The following CENPE variants were observed in gnomAD, a reference collection of about 807,000 sequenced individuals.
CENPE encodes the protein centromere protein E, also known as centromere-associated protein E.
Under a neutral mutation model 336.1 loss-of-function variants are expected in CENPE, and 145 were observed. The observed-to-expected ratio is 0.43, with a 90% confidence interval of 0.38 to 0.50. The LOEUF (loss-of-function observed/expected upper bound fraction) is 0.50, where lower values mean the gene tolerates loss of function less well. CENPE is among the 20% of genes least tolerant of loss of function. CENPE has a pLI of 0.00. For missense variants in CENPE, 2,719 were observed against 3,023.3 expected (o/e 0.90, Z 2.36); for synonymous variants, 1,013 against 984.8 (o/e 1.03, Z -0.54).
At chr4:103,151,984 C>T (rs1005233804) in intron 25 of CENPE, among the ~76,000 whole-genome samples, 4 of 152,132 alleles carry the variant, frequency 2.6e-5, no homozygotes, top group Admixed American at 6.6e-5. Context: ...TACAAATGGT[C>T]GCATTCTACT....
intron 8 of CENPE, among the ~76,000 whole-genome samples, chr4:103,192,665 AG>A (rs914711104): frequency 2.0e-5 from 3 of 152,238 alleles, no homozygotes; most frequent in African/African-American, 7.2e-5. Context: ...TTTCCAGCTT[AG>A]GCAGCTAGGA....
intron 7 of CENPE, 39 bp from the exon 8 acceptor site, chr4:103,194,333 T>C: frequency 6.2e-7 from 1 of 1,609,416 alleles, no homozygotes; most frequent in Non-Finnish European, 8.5e-7. Context: ...ATTAGTGCAT[T>C]CTTACTTGGA....
intron 36 of CENPE, 59 bp downstream of exon 36, chr4:103,140,755 C>T (rs1430398800): frequency 7.1e-7 from 1 of 1,417,310 alleles, no homozygotes; most frequent in Non-Finnish European, 9.6e-7. Context: ...GCAGTGAACA[C>T]TGTATTTTTG....
At chr4:103,182,173 C>T (rs1394681958) in intron 11 of CENPE, among the ~76,000 whole-genome samples, 1 of 151,940 alleles carries the variant, frequency 6.6e-6, no homozygotes, top group Non-Finnish European at 1.5e-5. Flanking sequence ...CTCACCGCAA[C>T]CTCTGCCTCC....
intron 42 of CENPE, among the ~76,000 whole-genome samples, chr4:103,131,495 T>C (rs1751583936): frequency 6.6e-6 from 1 of 152,196 alleles, no homozygotes; most frequent in Admixed American, 6.5e-5. Context: ...ATTTTATTCA[T>C]TGCTGGTGGG....
chr4:103,128,185 C>T (rs968952455), intron 42 of CENPE, among the ~76,000 whole-genome samples: 7 of 152,098 alleles, frequency 4.6e-5, no homozygotes, highest in South Asian at 2.1e-4. Context: ...AGGGACATTA[C>T]GTAGTGATAA....
intron 28 of CENPE, among the ~76,000 whole-genome samples, chr4:103,148,217 C>G (rs1157100777): frequency 6.6e-6 from 1 of 152,162 alleles, no homozygotes; most frequent in Non-Finnish European, 1.5e-5. Context: ...TGCTAGCAGT[C>G]TGTTTCATAC....
chr4:103,179,599 A>G (rs72665089), intron 13 of CENPE, among the ~76,000 whole-genome samples: 23,275 of 152,192 alleles, frequency 0.15, 2,274 homozygotes, highest in Non-Finnish European at 0.2. Flanking sequence ...TGCTGTGTGG[A>G]AAGTGCTGTG....
rs753097044 is a variant in CENPE at position 103,183,282 on chromosome 4, C to T, written c.752G>A (p.Arg251Gln). The change falls in exon 10 of 49, where the codon CGG becomes CAG. Residue 251 changes from arginine (R) to glutamine (Q), a missense_variant. Around this residue, in one of 5 missense-constraint regions of CENPE, gnomAD observed 117 missense variants for 215.8 expected, o/e 0.54. Coordinates refer to ENST00000265148, the MANE Select transcript of CENPE (RefSeq NM_001813.3). ...ATTTATATTACAGCCTTCCTTGAGC[C>T]GCACACCTGAATTTATTAAACAAAT... ...RAAQTGAAGV[R>Q]LKEGCNINRS... is the part of the protein sequence containing the mutation. 3.1e-6 allele frequency: 5 copies of T among 1,610,246 alleles called. No individual in the cohort carries two copies. The highest frequency in any genetic ancestry group is 1.1e-5 in the South Asian group (1 of 90,252).
intron 42 of CENPE, among the ~76,000 whole-genome samples, chr4:103,129,815 G>A (rs1008815884): frequency 2.6e-5 from 4 of 152,148 alleles, no homozygotes; most frequent in African/African-American, 9.7e-5. Context: ...CCAATCACGT[G>A]TAAAAATGAT....
intron 8 of CENPE, among the ~76,000 whole-genome samples, chr4:103,191,968 C>T (rs929147536): frequency 5.3e-5 from 8 of 151,886 alleles, no homozygotes; most frequent in African/African-American, 7.2e-5. Flanking sequence ...GCAGGAATCT[C>T]GGTGAGAGAT....
intron 9 of CENPE, among the ~76,000 whole-genome samples, 170 bp from the exon 10 acceptor site, chr4:103,183,458 T>C (rs1245901268): frequency 6.6e-6 from 1 of 152,034 alleles, no homozygotes; most frequent in African/African-American, 2.4e-5. Context: ...TCTCTCCCTA[T>C]TGGTCCCACT....
In CENPE at chr4:103,114,489, A is replaced by G; in HGVS notation, c.7506T>C (p.Asn2502=). Residue 2502 remains asparagine (N), a synonymous_variant, in exon 46 of 49, where the codon AAT becomes AAC. Transcript: ENST00000265148. ...QKEVIRLLRE[N]LRRSQQAQDT... is the part of the protein sequence containing the mutation. ...CTTGGGCCTGTTGACTTCTTCTGAGATTTTCTCTCAATAGCCTTATAACTT... is the reference window on the plus strand; with the variant it reads ...CTTGGGCCTGTTGACTTCTTCTGAGGTTTTCTCTCAATAGCCTTATAACTT... 1.2e-6 allele frequency: 2 copies of G among 1,611,882 alleles called. No homozygotes were observed. The highest frequency in any genetic ancestry group is 1.7e-6 in the Non-Finnish European group (2 of 1,178,964).
intron 44 of CENPE, among the ~76,000 whole-genome samples, chr4:103,117,551 C>T (rs1750239008): frequency 6.6e-6 from 1 of 150,640 alleles, no homozygotes; most frequent in Non-Finnish European, 1.5e-5. Context: ...TGAAATCATA[C>T]AGTATGTAGC....
intron 16 of CENPE, among the ~76,000 whole-genome samples, chr4:103,164,130 C>T (rs1296315248): frequency 6.6e-6 from 1 of 152,012 alleles, no homozygotes; most frequent in Non-Finnish European, 1.5e-5. Context: ...TCAACTATGA[C>T]CTTGATTTAT....
At chr4:103,178,090 A>G (rs1756031486) in intron 13 of CENPE, among the ~76,000 whole-genome samples, 1 of 138,426 alleles carries the variant, frequency 7.2e-6, no homozygotes, top group Non-Finnish European at 1.5e-5. Context: ...CTATCATCTT[A>G]GATTCCATAG....
rs116883211 is a variant in CENPE at position 103,168,558 on chromosome 4, C to G, written c.1648-5005G>C. ...ACCAACATTGGTTCCATAGCACATTCTGAATTAACTCTGAAGCTTGGTTTC... is the reference window on the plus strand; with the variant it reads ...ACCAACATTGGTTCCATAGCACATTGTGAATTAACTCTGAAGCTTGGTTTC... On this transcript the variant is annotated intron_variant, in intron 16 of 48. Coordinates refer to ENST00000265148, the MANE Select transcript of CENPE (RefSeq NM_001813.3). Among the ~76,000 whole-genome samples the G allele has an allele frequency of 7.2e-4, 110 of 152,324 alleles. 2 individuals carry two copies. The East Asian group carries it at 0.017, about 24-fold the overall frequency.
Position 103,108,889 on chromosome 4 carries a change from G to T in CENPE, c.7925C>A (p.Ser2642Tyr). The change falls in exon 48 of 49, where the codon TCT becomes TAT. Residue 2642 changes from serine (S) to tyrosine (Y), a missense_variant. By Grantham distance (144) the Ser-to-Tyr change is moderately radical. Around this residue, in one of 5 missense-constraint regions of CENPE, gnomAD observed 2,437 missense variants for 2,513.3 expected, o/e 0.97. Coordinates refer to ENST00000265148, the MANE Select transcript of CENPE (RefSeq NM_001813.3). Reference protein sequence around the residue: ...QDPVPKESPKSCFFDSRSKSL... With the variant: ...QDPVPKESPKYCFFDSRSKSL... ...CTTTGATCGGCTATCAAAAAAACAA[G>T]ATTTTGGTGATTCCTTTGGCACAGG... 1.2e-6 allele frequency: 2 copies of T among 1,613,886 alleles called. No homozygotes were observed. Among genetic ancestry groups the T allele is most frequent in the South Asian group, 1.1e-5 (1 of 91,074 alleles).
intron 40 of CENPE, among the ~76,000 whole-genome samples, chr4:103,134,310 G>A (rs907229204): frequency 1.3e-5 from 2 of 152,034 alleles, no homozygotes; most frequent in African/African-American, 4.8e-5. Flanking sequence ...CGCTGATTGG[G>A]TAACCAAAAA....
Sources: allele counts gnomAD v4.1 joint callset (sites outside exome capture counted in the v4.1 genomes callset), GRCh38; gene constraint gnomAD v4.1.1; regional missense constraint gnomAD v4.1.1; transcripts MANE v1.5; gene names NCBI Gene and HGNC (gene_info 2026-07-23, HGNC 2026-07-21).